CPQ: variants seen among roughly 807,000 people sequenced by gnomAD.
CPQ encodes carboxypeptidase Q, also known as Ser-Met dipeptidase.
Under a neutral mutation model 45.7 loss-of-function variants are expected in CPQ, and 37 were observed. The ratio of observed to expected loss-of-function variants is 0.81; its 90% confidence interval spans 0.62 to 1.07. CPQ has a LOEUF of 1.07. CPQ is among the 50% of genes least tolerant of loss of function. The probability of loss-of-function intolerance (pLI) is 0.00; values close to 1 mark genes in which losing one functional copy is unlikely to be tolerated. For missense variants in CPQ, 537 were observed against 572.9 expected, an observed-to-expected ratio of 0.94 and a Z score of 0.64; for synonymous variants, 186 against 205.8, an observed-to-expected ratio of 0.90 and a Z score of 0.82.
chr8:97,126,645 T>C (rs1404475932), intron 7 of CPQ, among the ~76,000 whole-genome samples: 1 of 151,944 alleles, frequency 6.6e-6, no homozygotes, highest in Non-Finnish European at 1.5e-5. Flanking sequence ...AAAAATAACA[T>C]CAAAGAACAT....
At chr8:96,675,830 A>G (rs199625777) in intron 1 of CPQ, among the ~76,000 whole-genome samples, 1 of 151,948 alleles carries the variant, frequency 6.6e-6, no homozygotes, top group African/African-American at 2.4e-5. Flanking sequence ...TGAACTGTTT[A>G]TATATTTTCT....
intron 5 of CPQ, among the ~76,000 whole-genome samples, chr8:96,991,827 T>C (rs912500045): frequency 6.6e-6 from 1 of 152,120 alleles, no homozygotes; most frequent in South Asian, 2.1e-4. Flanking sequence ...ATGTTGTTGT[T>C]ATGTCTCCCT....
chr8:97,077,989 A>C (rs1338036088), intron 7 of CPQ, among the ~76,000 whole-genome samples: 1 of 152,150 alleles, frequency 6.6e-6, no homozygotes, highest in Non-Finnish European at 1.5e-5. Flanking sequence ...CTCTTTATTT[A>C]CCTATTTTTA....
At chr8:96,660,056 T>A (rs1815681778) in intron 1 of CPQ, among the ~76,000 whole-genome samples, 1 of 152,188 alleles carries the variant, frequency 6.6e-6, no homozygotes, top group African/African-American at 2.4e-5. Flanking sequence ...AATTAAGGTA[T>A]ATTTCTAGGT....
intron 2 of CPQ, among the ~76,000 whole-genome samples, chr8:96,821,522 G>T (rs950507869): frequency 2.0e-5 from 3 of 151,758 alleles, no homozygotes; most frequent in Non-Finnish European, 4.4e-5. Flanking sequence ...TCCAGTTTTT[G>T]ATAGGGGCTC....
intron 1 of CPQ, among the ~76,000 whole-genome samples, chr8:96,692,536 C>G (rs1809318594): frequency 6.6e-6 from 1 of 152,158 alleles, no homozygotes; most frequent in Non-Finnish European, 1.5e-5. Context: ...CAAGAGTCTT[C>G]CTGGTAATCC....
At chr8:96,652,825 G>A (rs1481461759) in intron 1 of CPQ, among the ~76,000 whole-genome samples, 2 of 152,188 alleles carry the variant, frequency 1.3e-5, no homozygotes, top group Admixed American at 1.3e-4. Context: ...TACTAGAGAC[G>A]GGGTTTCACT....
At chr8:96,681,798 C>T (rs1809156097) in intron 1 of CPQ, among the ~76,000 whole-genome samples, 1 of 152,160 alleles carries the variant, frequency 6.6e-6, no homozygotes, top group Admixed American at 6.5e-5. Context: ...CAGAGCTGCC[C>T]AAGGCCATGG....
chr8:97,076,167 A>C lies in CPQ; in HGVS notation c.1255+9957A>C, dbSNP rs561387296. Among the ~76,000 whole-genome samples the C allele has an allele frequency of 3.9e-5, 6 of 152,102 alleles. No individual in the cohort carries two copies. The South Asian group carries it at 1.2e-3, about 32-fold the overall frequency. On this transcript the variant is annotated intron_variant, in intron 7 of 7. Transcript: ENST00000220763. ...CAGCCTCCTGAGTACGTGGGATTAC[A>C]GGCACACACCACCATGCCAGGCTAA... is the stretch of plus-strand genomic sequence containing the variant.
At chr8:96,676,758 T>C (rs573533108) in intron 1 of CPQ, among the ~76,000 whole-genome samples, 56 of 152,204 alleles carry the variant, frequency 3.7e-4, no homozygotes, top group African/African-American at 1.1e-3. Flanking sequence ...ATTTCTGAGA[T>C]TTTGGTGTAC....
At chr8:96,907,912 G>T (rs1409243389) in intron 4 of CPQ, among the ~76,000 whole-genome samples, 1 of 152,102 alleles carries the variant, frequency 6.6e-6, no homozygotes, top group Non-Finnish European at 1.5e-5. Flanking sequence ...TGATGGTTGT[G>T]ACATAATGAA....
At chr8:96,656,991 G>A (rs931372982) in intron 1 of CPQ, among the ~76,000 whole-genome samples, 2 of 151,984 alleles carry the variant, frequency 1.3e-5, no homozygotes, top group African/African-American at 4.8e-5. Flanking sequence ...GAATGCTAGG[G>A]AGCTGGATGT....
chr8:97,049,953 T>C (rs1810329850), intron 6 of CPQ, among the ~76,000 whole-genome samples: 2 of 152,182 alleles, frequency 1.3e-5, no homozygotes, highest in Admixed American at 1.3e-4. Flanking sequence ...AACACGTTTT[T>C]CCTCTGTACT....
At chr8:96,978,571 G>A (rs1293689842) in intron 5 of CPQ, among the ~76,000 whole-genome samples, 1 of 152,166 alleles carries the variant, frequency 6.6e-6, no homozygotes, top group Non-Finnish European at 1.5e-5. Context: ...TGACAGTCTG[G>A]AAGGGTGGCA....
At chr8:96,870,460 T>G (rs1812052464) in intron 3 of CPQ, among the ~76,000 whole-genome samples, 1 of 152,052 alleles carries the variant, frequency 6.6e-6, no homozygotes, top group African/African-American at 2.4e-5. Context: ...CTACTAATAG[T>G]AATCATCATC....
At chr8:96,844,196 G>A (rs1811654398) in intron 3 of CPQ, among the ~76,000 whole-genome samples, 1 of 152,220 alleles carries the variant, frequency 6.6e-6, no homozygotes, top group African/African-American at 2.4e-5. Flanking sequence ...TTTGAAAAAT[G>A]TGTAATGTAG....
intron 1 of CPQ, among the ~76,000 whole-genome samples, chr8:96,674,897 T>A (rs1809055202): frequency 6.6e-6 from 1 of 152,116 alleles, no homozygotes; most frequent in African/African-American, 2.4e-5. Flanking sequence ...TTGTCTATTT[T>A]TATTTTCTCA....
intron 5 of CPQ, among the ~76,000 whole-genome samples, chr8:96,972,383 A>T (rs1175557143): frequency 6.6e-6 from 1 of 152,204 alleles, no homozygotes; most frequent in Non-Finnish European, 1.5e-5. Context: ...GAACTCAGAC[A>T]TGCTTACCCC....
chr8:96,783,954 TTTGAG>T (rs1266960408), intron 1 of CPQ, among the ~76,000 whole-genome samples: 1 of 152,152 alleles, frequency 6.6e-6, no homozygotes, highest in African/African-American at 2.4e-5. Flanking sequence ...AAACCCATGC[TTTGAG>T]TAGCACTGTT....
Sources: gnomAD v4.1 joint callset for allele counts (sites outside exome capture counted in the v4.1 genomes callset) on GRCh38, gnomAD v4.1.1 for gene constraint, MANE v1.5 for transcripts, NCBI Gene and HGNC (gene_info 2026-07-23, HGNC 2026-07-21) for gene names.